Variants in KIAA0753 observed in about 807,000 individuals in gnomAD.
The protein encoded by KIAA0753 is protein moonraker.
KIAA0753 carries 114 observed loss-of-function variants against 116.9 expected under a neutral mutation model. That is an observed-to-expected ratio of 0.98 (90% CI 0.84 to 1.14). The LOEUF (loss-of-function observed/expected upper bound fraction) is 1.14. KIAA0753 is among the 50% of genes most tolerant of loss of function. The pLI, the probability that KIAA0753 is intolerant of heterozygous loss-of-function variation, is 0.00. For missense variants in KIAA0753, 1,156 were observed against 1,172.4 expected (o/e 0.99, Z 0.20); for synonymous variants, 405 against 413.1 (o/e 0.98, Z 0.24).
rs1352106296 is a variant in KIAA0753, at chr17:6,635,183, C to T, written c.-68-12G>A. On this transcript the variant is annotated splice_polypyrimidine_tract_variant and intron_variant, in intron 1 of 18. Transcript: ENST00000361413. ...CCCTAAAACCATTCCTAAAACGAAA[C>T]AAAGCTACTTCAGACCAACAGCGTT... 18 of 1,057,596 alleles carry T rather than the reference C, an allele frequency of 1.7e-5. No individual in the cohort carries two copies. The highest frequency in any genetic ancestry group is 2.7e-5 in the Non-Finnish European group (18 of 678,240). The allele number at this position is 1,057,596 out of a possible 1,614,324, so 65.5% of individuals were successfully genotyped here.
intron 8 of KIAA0753, among the ~76,000 whole-genome samples, chr17:6,611,359 G>A (rs998620673): frequency 1.3e-5 from 2 of 151,632 alleles, no homozygotes; most frequent in Non-Finnish European, 2.9e-5. Context: ...GGAGTACAGT[G>A]GATCGATCAC....
intron 2 of KIAA0753, among the ~76,000 whole-genome samples, chr17:6,634,128 A>C (rs1164283717): frequency 3.0e-5 from 4 of 133,546 alleles, no homozygotes; most frequent in South Asian, 2.4e-4. Flanking sequence ...TTTGAGATGG[A>C]GTCTCGCTCT....
intron 2 of KIAA0753, among the ~76,000 whole-genome samples, chr17:6,631,612 G>A (rs1367467387): frequency 6.6e-6 from 1 of 152,122 alleles, no homozygotes; most frequent in Non-Finnish European, 1.5e-5. Context: ...GAAACAGGAA[G>A]GAGATGAGAA....
chr17:6,582,725 C>T (rs1337011998), intron 18 of KIAA0753, among the ~76,000 whole-genome samples: 1 of 152,184 alleles, frequency 6.6e-6, no homozygotes, highest in Non-Finnish European at 1.5e-5. Flanking sequence ...TTGCTCTTCT[C>T]TATTGACTTG....
intron 16 of KIAA0753, among the ~76,000 whole-genome samples, chr17:6,593,254 G>A (rs190969907): frequency 6.6e-6 from 1 of 152,402 alleles, no homozygotes; most frequent in Admixed American, 6.5e-5. Flanking sequence ...CCTGAAAAGG[G>A]GCCAGGTGAC....
chr17:6,594,477 G>A (rs1343559314), intron 16 of KIAA0753, among the ~76,000 whole-genome samples: 1 of 152,152 alleles, frequency 6.6e-6, no homozygotes, highest in Non-Finnish European at 1.5e-5. Context: ...AGTACACACC[G>A]TATGACTGCA....
chr17:6,580,942 T>G (rs956416003), intron 18 of KIAA0753, among the ~76,000 whole-genome samples: 5 of 147,400 alleles, frequency 3.4e-5, no homozygotes, highest in African/African-American at 1.3e-4. Context: ...CTTCATTTTC[T>G]GAACGGCGCA....
chr17:6,608,581 C>T (rs1331429775), intron 9 of KIAA0753, 117 bp from the exon 10 acceptor site: 4 of 486,906 alleles, frequency 8.2e-6, no homozygotes, highest in African/African-American at 4.0e-5. Flanking sequence ...ATCTGTAGCA[C>T]GGGGCCCTAC....
At chr17:6,611,691 A>C (rs1277605700) in intron 8 of KIAA0753, among the ~76,000 whole-genome samples, 1 of 152,202 alleles carries the variant, frequency 6.6e-6, no homozygotes, top group Non-Finnish European at 1.5e-5. Flanking sequence ...TATTGGTATC[A>C]TATTAGTTAG....
intron 14 of KIAA0753, among the ~76,000 whole-genome samples, chr17:6,597,387 T>C (rs1969556924): frequency 6.6e-6 from 1 of 152,196 alleles, no homozygotes; most frequent in South Asian, 2.1e-4. Flanking sequence ...ATGTGTATAT[T>C]TTCCATCTAT....
At chr17:6,582,315 G>A (rs1490077449) in intron 18 of KIAA0753, among the ~76,000 whole-genome samples, 2 of 152,098 alleles carry the variant, frequency 1.3e-5, no homozygotes, top group Non-Finnish European at 2.9e-5. Flanking sequence ...AGTTATTTAG[G>A]CTTCATGCCG....
chr17:6,584,763 A>C (rs1248865738), intron 18 of KIAA0753, among the ~76,000 whole-genome samples: 1 of 152,190 alleles, frequency 6.6e-6, no homozygotes, highest in Non-Finnish European at 1.5e-5. Flanking sequence ...CTCTTTATGT[A>C]CATCTTGCAT....
rs372993343 is a variant in KIAA0753, at chr17:6,620,798, C to G, written c.1305G>C (p.Gln435His). ...CTTTAAGACACATACCGGCAAGAAG[C>G]TGCTTTGCTACAGAAGGTCGACTTG... ...QETSRPSVAK[Q>H]LLADKYQPDT... Residue 435 changes from glutamine to histidine, a missense_variant, in exon 7 of 19, where the codon CAG becomes CAC. Transcript: ENST00000361413. 25 of 1,613,940 alleles carry G rather than the reference C, an allele frequency of 1.5e-5. No individual in the cohort carries two copies. Among genetic ancestry groups the G allele is most frequent in the Non-Finnish European group, 1.5e-5 (18 of 1,179,958 alleles).
At chr17:6,603,198 G>C (rs1418201449) in intron 12 of KIAA0753, among the ~76,000 whole-genome samples, 1 of 152,050 alleles carries the variant, frequency 6.6e-6, no homozygotes, top group Non-Finnish European at 1.5e-5. Flanking sequence ...AAGAAAATCA[G>C]AGGACCAATC....
At position 6,635,114 on chromosome 17, in the gene KIAA0753, A is replaced by G; in HGVS notation, c.-11T>C. 1 of 1,592,650 alleles carries G rather than the reference A, an allele frequency of 6.3e-7. No individual in the cohort carries two copies. Among genetic ancestry groups the G allele is most frequent in the Non-Finnish European group, 8.6e-7 (1 of 1,160,340 alleles). On this transcript the variant is annotated 5_prime_UTR_variant, in exon 2 of 19. Coordinates refer to ENST00000361413, the MANE Select transcript of KIAA0753 (RefSeq NM_014804.3). ...CTGGCCTGGTCCCATAATGTCAGGT[A>G]GTACAGAACAATAGTGACAGCCTTG...
rs1567540914 is a variant in KIAA0753 at position 6,591,067 on chromosome 17, A to AGAAG, written c.2441-441_2441-438dup. ...AAGAAGAAGAAGAAGAAGAAGAAGA[A>AGAAG]GAAGAAGAAGAAGAAGAAGAAGAAG... On this transcript the variant is annotated intron_variant, in intron 16 of 18. Coordinates refer to ENST00000361413, the MANE Select transcript of KIAA0753 (RefSeq NM_014804.3). Among the ~76,000 whole-genome samples the AGAAG allele has an allele frequency of 3.3e-3, 205 of 63,018 alleles. 4 individuals carry two copies. Among genetic ancestry groups the AGAAG allele is most frequent in the African/African-American group, 8.3e-3 (148 of 17,920 alleles). The allele number at this position is 63,018 out of a possible 152,430, so 41.3% of individuals were successfully genotyped here. A position where few individuals can be genotyped will look rare whatever the true frequency, so the allele number is the denominator to read the frequency against.
At chr17:6,599,470 T>G in intron 13 of KIAA0753, 150 bp from the exon 14 acceptor site, 1 of 607,730 alleles carries the variant, frequency 1.6e-6, no homozygotes, top group Non-Finnish European at 2.9e-6. Context: ...GCACTTTGTC[T>G]TCATGGAAAC....
chr17:6,630,359 G>A (rs1039602300), intron 2 of KIAA0753, among the ~76,000 whole-genome samples: 2 of 152,014 alleles, frequency 1.3e-5, no homozygotes, highest in Non-Finnish European at 2.9e-5. Context: ...GGAAGCAGGC[G>A]CCCTCATAGA....
At chr17:6,633,576 T>G (rs1972130622) in intron 2 of KIAA0753, among the ~76,000 whole-genome samples, 1 of 152,158 alleles carries the variant, frequency 6.6e-6, no homozygotes, top group Admixed American at 6.5e-5. Context: ...CATAAAAAGA[T>G]CTGTATAAGA....
Sources: gnomAD v4.1 joint callset for allele counts (sites outside exome capture counted in the v4.1 genomes callset) on GRCh38, gnomAD v4.1.1 for gene constraint, MANE v1.5 for transcripts, NCBI Gene and HGNC (gene_info 2026-07-23, HGNC 2026-07-21) for gene names.